Variants in ATP11A observed in about 807,000 individuals in gnomAD.
ATP11A encodes the protein phospholipid-transporting ATPase IH.
In ATP11A, 81 loss-of-function variants were observed where a neutral mutation model predicts 154.4. That is an observed-to-expected ratio of 0.52 (90% CI 0.44 to 0.63). The LOEUF is 0.63. Among genes scored for constraint, ATP11A ranks in the 30% least tolerant of loss-of-function variants. The probability of loss-of-function intolerance (pLI) is 0.00; values close to 1 mark genes in which losing one functional copy is unlikely to be tolerated. For synonymous variants in ATP11A, 623 were observed against 585.9 expected (o/e 1.06, Z -0.91); for missense variants, 1,316 against 1,474.3 (o/e 0.89, Z 1.76).
At chr13:112,831,665 A>G in intron 13 of ATP11A, 117 bp downstream of exon 13, 1 of 1,185,540 alleles carries the variant, frequency 8.4e-7, no homozygotes, top group East Asian at 2.5e-5. Flanking sequence ...TACGGACTTC[A>G]GTGGGAGGGA....
intron 1 of ATP11A, among the ~76,000 whole-genome samples, chr13:112,715,997 C>T (rs1170289423): frequency 2.6e-5 from 4 of 152,132 alleles, no homozygotes; most frequent in Non-Finnish European, 5.9e-5. Context: ...TGCTTTCTCT[C>T]CCCAGCAGCT....
At chr13:112,728,005 C>A (rs1430047770) in intron 1 of ATP11A, among the ~76,000 whole-genome samples, 1 of 152,218 alleles carries the variant, frequency 6.6e-6, no homozygotes, top group Non-Finnish European at 1.5e-5. Context: ...AAAAACACCC[C>A]TTTTTCATAG....
chr13:112,771,707 C>T (rs1315572005), intron 1 of ATP11A, among the ~76,000 whole-genome samples: 2 of 152,206 alleles, frequency 1.3e-5, no homozygotes, highest in African/African-American at 4.8e-5. Flanking sequence ...GCTGGTGCTT[C>T]CCGTCACTCG....
At chr13:112,775,522 C>T (rs1269193908) in intron 1 of ATP11A, among the ~76,000 whole-genome samples, 2 of 152,110 alleles carry the variant, frequency 1.3e-5, no homozygotes, top group Non-Finnish European at 2.9e-5. Context: ...TCCTACTTAC[C>T]GTTGCCAGAG....
In ATP11A at chr13:112,883,001, C is replaced by T. The variant is rs907477793; in HGVS notation, c.*1135C>T. On this transcript the variant is annotated 3_prime_UTR_variant, in exon 30 of 30. Coordinates refer to ENST00000375645, the MANE Select transcript of ATP11A (RefSeq NM_015205.3). ...CCGCCCGCCGGGCTCTGCGTCCCCA[C>T]GTCCCCTCGTCCCATCCCCACGTCC... The T allele has an allele frequency of 2.0e-5, 8 of 399,024 alleles. No homozygotes were observed. Among genetic ancestry groups the T allele is most frequent in the South Asian group, 1.3e-4 (1 of 7,988 alleles). 24.7% of individuals were successfully genotyped at this position (399,024 alleles called of 1,614,324 possible).
At position 112,742,001 on chromosome 13, in the gene ATP11A, T is replaced by TC. The variant is rs373344246; in HGVS notation, c.40-43129dup. Among the ~76,000 whole-genome samples, 933 of 150,362 alleles carry TC rather than the reference T, an allele frequency of 6.2e-3. 12 individuals are homozygous for TC. The highest frequency in any genetic ancestry group is 0.062 in the Middle Eastern group (18 of 292). On this transcript the variant is annotated intron_variant, in intron 1 of 29. Transcript: ENST00000375645. ...TGGTTCCCCCACCACAGAAGAGTGG[T>TC]CCCCCTCCCCACAGAAGAGTGCTCC...
chr13:112,792,363 T>C (rs2077884029), intron 2 of ATP11A, among the ~76,000 whole-genome samples: 1 of 152,200 alleles, frequency 6.6e-6, no homozygotes, highest in Admixed American at 6.5e-5. Flanking sequence ...GACCTAAGTT[T>C]ACGACTGATT....
chr13:112,826,943 T>C (rs1041531397), intron 12 of ATP11A, 52 bp downstream of exon 12: 1 of 1,584,656 alleles, frequency 6.3e-7, no homozygotes, highest in Non-Finnish European at 8.7e-7. Context: ...TGGGTGAGTC[T>C]GCTTCACGTT....
rs750012990 is a variant in ATP11A at position 112,833,027 on chromosome 13, C to T, written c.1559+4C>T. 94 of 1,608,972 alleles carry T rather than the reference C, an allele frequency of 5.8e-5. No homozygotes were observed. The highest frequency in any genetic ancestry group is 1.5e-4 in the South Asian group (14 of 90,654). ...CGCTGGTCGAAGGTGTCCAGAGGTA[C>T]GTCGCGGGCCAAGGGTCTGCCTGGG... On this transcript the variant is annotated splice_donor_region_variant and intron_variant, in intron 14 of 29. Coordinates refer to ENST00000375645, the MANE Select transcript of ATP11A (RefSeq NM_015205.3).
chr13:112,840,689 A>T (rs562993036), intron 16 of ATP11A, among the ~76,000 whole-genome samples: 92 of 152,010 alleles, frequency 6.1e-4, no homozygotes, highest in African/African-American at 2.2e-3. Flanking sequence ...CCTCAGCCAC[A>T]TGAGCGTCAA....
In ATP11A at chr13:112,714,579, C is replaced by G. The variant is rs141410458; in HGVS notation, c.39+24124C>G. 5.1e-3 allele frequency among the ~76,000 whole-genome samples: 776 copies of G among 152,368 alleles called. 6 individuals are homozygous for G. The highest frequency in any genetic ancestry group is 0.018 in the African/African-American group (736 of 41,584). On this transcript the variant is annotated intron_variant, in intron 1 of 29. Transcript: ENST00000375645. ...CCGTCTGGCTTCTGGCTCCAGCCCCCTCTGCTGCCTTCTTTGTGTGTCTGT... is the reference window on the plus strand; with the variant it reads ...CCGTCTGGCTTCTGGCTCCAGCCCCGTCTGCTGCCTTCTTTGTGTGTCTGT...
chr13:112,758,813 C>T (rs1443387448), intron 1 of ATP11A, among the ~76,000 whole-genome samples: 2 of 152,190 alleles, frequency 1.3e-5, no homozygotes, highest in Non-Finnish European at 2.9e-5. Flanking sequence ...TTCAATTTTC[C>T]TGCACAGTTA....
chr13:112,854,459 C>T lies in ATP11A; in HGVS notation c.2172C>T (p.His724=), dbSNP rs890152761. 7.4e-6 allele frequency: 12 copies of T among 1,612,864 alleles called. No individual in the cohort carries two copies. The highest frequency in any genetic ancestry group is 1.3e-5 in the African/African-American group (1 of 75,046). The part of the protein sequence containing the change: ...TTKRIEEQSL[H]DVLFELSKTV... ...AGAGGATCGAGGAGCAGAGCCTGCA[C>T]GACGTCCTGTTCGAGCTGAGCAAGA... Residue 724 remains histidine, a synonymous_variant, in exon 19 of 30, where the codon CAC becomes CAT. Coordinates refer to ENST00000375645, the MANE Select transcript of ATP11A (RefSeq NM_015205.3).
intron 2 of ATP11A, among the ~76,000 whole-genome samples, chr13:112,797,572 T>C: frequency 6.6e-6 from 1 of 152,202 alleles, no homozygotes; most frequent in Non-Finnish European, 1.5e-5. Context: ...GTAAGAATTA[T>C]ATCAAACTTT....
rs11370649 is a variant in ATP11A at position 112,746,087 on chromosome 13, T to TG, written c.40-39047dup. 38,379 of 152,114 alleles carry TG rather than the reference T, an allele frequency of 0.25. 6,628 individuals carry two copies. Among genetic ancestry groups the TG allele is most frequent in the African/African-American group, 0.49 (20,226 of 41,410 alleles). 9.4% of individuals were successfully genotyped at this position (152,114 alleles called of 1,614,324 possible). A position where few individuals can be genotyped will look rare whatever the true frequency, so the allele number is the denominator to read the frequency against. On this transcript the variant is annotated intron_variant, in intron 1 of 29. Transcript: ENST00000375645. This position sits in a 1 kb window ranked among gnomAD's most constrained non-coding sequence, Gnocchi z 4.1. ...CACGTTTTTCTTGTCCGTTCACCTGTGATGGACTCTTGGGCGTCTGCCGTA... is the reference window on the plus strand; with the variant it reads ...CACGTTTTTCTTGTCCGTTCACCTGTGGATGGACTCTTGGGCGTCTGCCGTA...
intron 1 of ATP11A, among the ~76,000 whole-genome samples, chr13:112,715,320 A>G (rs913378921): frequency 1.4e-4 from 21 of 150,150 alleles, no homozygotes; most frequent in Non-Finnish European, 2.2e-4. Flanking sequence ...TTGGCTTTGT[A>G]GTGTCCTGGC....
chr13:112,769,859 C>G (rs933239833), intron 1 of ATP11A, among the ~76,000 whole-genome samples: 34 of 152,250 alleles, frequency 2.2e-4, no homozygotes, highest in Non-Finnish European at 1.8e-4. Flanking sequence ...CCCAGCACTT[C>G]CCGTGCCATC....
chr13:112,739,722 A>ATCT (rs1334611924), intron 1 of ATP11A, among the ~76,000 whole-genome samples: 4 of 152,272 alleles, frequency 2.6e-5, no homozygotes, highest in Admixed American at 2.6e-4. Context: ...GAGCGGAAGC[A>ATCT]TCTCAGATGC....
intron 25 of ATP11A, among the ~76,000 whole-genome samples, chr13:112,868,808 C>T (rs1432490630): frequency 1.3e-5 from 2 of 152,132 alleles, no homozygotes; most frequent in Non-Finnish European, 2.9e-5. Flanking sequence ...AATCGAGCCA[C>T]AGTTCTGCAG....
Sources: allele counts gnomAD v4.1 joint callset (sites outside exome capture counted in the v4.1 genomes callset), GRCh38; gene constraint gnomAD v4.1.1; non-coding constraint Gnocchi (gnomAD v3.1); transcripts MANE v1.5; gene names NCBI Gene and HGNC (gene_info 2026-07-23, HGNC 2026-07-21).